Variants in CEP295 observed in about 807,000 individuals in gnomAD.
CEP295 encodes the protein centrosomal protein of 295 kDa.
In CEP295, 190 loss-of-function variants were observed where a neutral mutation model predicts 291.6. The ratio of observed to expected loss-of-function variants is 0.65; its 90% CI spans 0.58 to 0.73. The LOEUF (loss-of-function observed/expected upper bound fraction) is 0.73, where lower values mean the gene tolerates loss of function less well. Among genes scored for constraint, CEP295 ranks in the 30% least tolerant of loss-of-function variants. The pLI, the probability that CEP295 is intolerant of heterozygous loss-of-function variation, is 0.00. For missense variants in CEP295, 2,863 were observed against 2,949.4 expected, an observed-to-expected ratio of 0.97 and a Z score of 0.68; for synonymous variants, 993 against 1,038.8, an observed-to-expected ratio of 0.96 and a Z score of 0.85.
intron 12 of CEP295, among the ~76,000 whole-genome samples, chr11:93,693,049 G>A (rs566743337): frequency 6.5e-4 from 99 of 151,448 alleles, no homozygotes; most frequent in Non-Finnish European, 1.2e-3. Flanking sequence ...AGGCTGAGGC[G>A]GGTGGATCAC....
intron 1 of CEP295, among the ~76,000 whole-genome samples, chr11:93,663,685 G>T (rs1950086200): frequency 6.6e-6 from 1 of 152,094 alleles, no homozygotes; most frequent in African/African-American, 2.4e-5. Flanking sequence ...CAAATAAAAA[G>T]TTTAAAAAAT....
intron 18 of CEP295, 112 bp downstream of exon 18, chr11:93,707,009 T>C: frequency 1.1e-6 from 1 of 893,636 alleles, no homozygotes; most frequent in Non-Finnish European, 1.6e-6. Context: ...TAGTTACTGC[T>C]GTTAATGGAA....
chr11:93,689,663 C>T (rs1951420299), intron 10 of CEP295, among the ~76,000 whole-genome samples: 1 of 152,136 alleles, frequency 6.6e-6, no homozygotes. Context: ...GCTTTCCCCC[C>T]ATAGCTCTTA....
chr11:93,693,661 CAGG>C (rs1442711913), intron 12 of CEP295, among the ~76,000 whole-genome samples: 2 of 152,122 alleles, frequency 1.3e-5, no homozygotes, highest in Non-Finnish European at 1.5e-5. Flanking sequence ...AAGGCTGAGA[CAGG>C]AGAATCGCTT....
At position 93,719,246 on chromosome 11, in the gene CEP295, G is replaced by GGT. The variant is rs796931504; in HGVS notation, c.5750-2066_5750-2065insGT. On this transcript the variant is annotated intron_variant, in intron 18 of 29. Transcript: ENST00000325212. ...TGTGTGGGTTGTTTTTTTTTTCCGG[G>GGT]TTTTTTTTTTTTTTCCTGTTTTTTT... is the stretch of plus-strand genomic sequence containing the variant. 1.9e-3 allele frequency among the ~76,000 whole-genome samples: 256 copies of GGT among 135,524 alleles called. 7 individuals carry two copies. The East Asian group carries it at 0.052, about 28-fold the overall frequency. 88.9% of individuals were successfully genotyped at this position (135,524 alleles called of 152,430 possible). A position where few individuals can be genotyped will look rare whatever the true frequency, so the allele number is the denominator to read the frequency against.
chr11:93,677,287 A>G (rs941889267), intron 6 of CEP295, among the ~76,000 whole-genome samples: 2 of 152,114 alleles, frequency 1.3e-5, no homozygotes, highest in African/African-American at 4.8e-5. Context: ...CTTGGCATAT[A>G]TGTTTGGGTA....
chr11:93,698,383 G>T lies in CEP295; in HGVS notation c.3471G>T (p.Leu1157=). The T allele has an allele frequency of 6.4e-7, 1 of 1,552,076 alleles. No individual in the cohort carries two copies. Among genetic ancestry groups the T allele is most frequent in the Non-Finnish European group, 8.7e-7 (1 of 1,147,094 alleles). The stretch of plus-strand genomic sequence containing the variant: ...CTCTTAGTTTTCCACAGCATAGCCT[G>T]GCACAGCAAGAAAATTTGACAATAC... ...DKSLSFPQHS[L]AQQENLTILQ... The change falls in exon 15 of 30, where the codon CTG becomes CTT. Residue 1157 remains leucine, a synonymous_variant. Coordinates refer to ENST00000325212, the MANE Select transcript of CEP295 (RefSeq NM_033395.2).
chr11:93,728,027 CTT>C (rs1937622344), intron 24 of CEP295: 1 of 169,826 alleles, frequency 5.9e-6, no homozygotes, highest in African/African-American at 2.4e-5. Context: ...TGCTTCAGCA[CTT>C]TCAGTGTTGA....
intron 19 of CEP295, 135 bp from the exon 20 acceptor site, chr11:93,721,819 C>A: frequency 1.4e-6 from 1 of 732,582 alleles, no homozygotes; most frequent in South Asian, 1.5e-5. Context: ...AAAGGTTTTA[C>A]TACTGATCTT....
At position 93,727,449 on chromosome 11, in the gene CEP295, G is replaced by T; in HGVS notation, c.6973G>T (p.Val2325Leu). The part of the protein sequence containing the change: ...QVEETDSRLC[V>L]RTVEMGTSIQ... ...AGAGGAAACTGACTCTCGATTATGTGTAAGAACAGTGGAGATGGGAACTTC... is the reference window on the plus strand; with the variant it reads ...AGAGGAAACTGACTCTCGATTATGTTTAAGAACAGTGGAGATGGGAACTTC... The change falls in exon 24 of 30, where the codon GTA becomes TTA. Residue 2325 changes from valine (V) to leucine (L), a missense_variant. By Grantham distance (32) the Val-to-Leu change is conservative. Coordinates refer to ENST00000325212, the MANE Select transcript of CEP295 (RefSeq NM_033395.2). 6.4e-7 allele frequency: 1 copy of T among 1,551,954 alleles called. No individual in the cohort carries two copies.
chr11:93,693,559 C>A (rs1951697992), intron 12 of CEP295, among the ~76,000 whole-genome samples: 1 of 152,024 alleles, frequency 6.6e-6, no homozygotes, highest in African/African-American at 2.4e-5. Flanking sequence ...AGTTTGAGAC[C>A]AGCCTGGCCA....
intron 18 of CEP295, among the ~76,000 whole-genome samples, chr11:93,716,139 G>A (rs1015193547): frequency 1.3e-5 from 2 of 152,148 alleles, no homozygotes; most frequent in East Asian, 1.9e-4. Context: ...AATTTAGCCC[G>A]TAGTGACAAG....
chr11:93,726,961 A>T lies in CEP295; in HGVS notation c.6500-15A>T. ...TGTAACGATGATTAACTGATTTTTG[A>T]ATTTCTTAATGCAGGATCTGAACAA... On this transcript the variant is annotated splice_polypyrimidine_tract_variant and intron_variant, in intron 23 of 29. Transcript: ENST00000325212. The T allele has an allele frequency of 6.8e-7, 1 of 1,475,774 alleles. No homozygotes were observed. The highest frequency in any genetic ancestry group is 9.0e-7 in the Non-Finnish European group (1 of 1,112,228). The allele number at this position is 1,475,774 out of a possible 1,614,324, so 91.4% of individuals were successfully genotyped here. A position where few individuals can be genotyped will look rare whatever the true frequency, so the allele number is the denominator to read the frequency against.
At chr11:93,710,225 G>T (rs1385993054) in intron 18 of CEP295, among the ~76,000 whole-genome samples, 1 of 152,118 alleles carries the variant, frequency 6.6e-6, no homozygotes, top group Non-Finnish European at 1.5e-5. Context: ...TAGAGGAAAG[G>T]CTTTCAGGTT....
At chr11:93,665,576 C>T (rs1023415138) in intron 1 of CEP295, among the ~76,000 whole-genome samples, 2 of 152,100 alleles carry the variant, frequency 1.3e-5, no homozygotes, top group South Asian at 2.1e-4. Flanking sequence ...GGTGTGATGG[C>T]GCATGCCTGT....
chr11:93,682,346 C>T (rs1306797724), intron 7 of CEP295, among the ~76,000 whole-genome samples: 1 of 152,318 alleles, frequency 6.6e-6, no homozygotes, highest in East Asian at 1.9e-4. Context: ...GCCCCAGCCT[C>T]CCGAGTAGCT....
chr11:93,672,194 C>T (rs1950484703), intron 5 of CEP295, among the ~76,000 whole-genome samples: 1 of 152,152 alleles, frequency 6.6e-6, no homozygotes, highest in South Asian at 2.1e-4. Context: ...TTTACTGTGA[C>T]ACTTAGCTTC....
chr11:93,669,592 A>G, intron 4 of CEP295, 85 bp from the exon 5 acceptor site: 1 of 816,430 alleles, frequency 1.2e-6, no homozygotes. Flanking sequence ...GGATTTCTTG[A>G]GCCTATGACT....
rs1291409420 is a variant in CEP295, at chr11:93,700,025, C to T, written c.5113C>T (p.Gln1705Ter). ...TTTTTCACAGTCTGTCTTAACTCAG[C>T]AAGATAACTTGGGACTTCAGAAACA... is the stretch of plus-strand genomic sequence containing the variant. ...LSFSQSVLTQQDNLGLQKQLD... is the reference protein window; with the variant it reads ...LSFSQSVLTQ Residue 1705 changes from glutamine (Q) to a stop codon, truncating the protein, a stop_gained, in exon 15 of 30, where the codon CAA becomes TAA. Coordinates refer to ENST00000325212, the MANE Select transcript of CEP295 (RefSeq NM_033395.2). LOFTEE classifies it high-confidence loss of function. 6.4e-7 allele frequency: 1 copy of T among 1,551,766 alleles called. No individual in the cohort carries two copies. The highest frequency in any genetic ancestry group is 2.0e-5 in the Admixed American group (1 of 51,000).
Sources: gnomAD v4.1 joint callset for allele counts (sites outside exome capture counted in the v4.1 genomes callset) on GRCh38, gnomAD v4.1.1 for gene constraint, MANE v1.5 for transcripts, NCBI Gene and HGNC (gene_info 2026-07-23, HGNC 2026-07-21) for gene names.